Variants in RCAN2 observed in about 807,000 individuals in gnomAD.
The protein encoded by RCAN2 is regulator of calcineurin 2.
Under a neutral mutation model 23.6 loss-of-function variants are expected in RCAN2, and 9 were observed. That is an observed-to-expected ratio of 0.38 (90% CI 0.23 to 0.67). The LOEUF (loss-of-function observed/expected upper bound fraction) is 0.67. Ranked by LOEUF, RCAN2 falls within the 30% of genes least tolerant of loss-of-function variation. The probability of loss-of-function intolerance (pLI) is 0.51; values close to 1 mark genes in which losing one functional copy is unlikely to be tolerated. For synonymous variants in RCAN2, 109 were observed against 115.7 expected (o/e 0.94, Z 0.37); for missense variants, 273 against 302.3 (o/e 0.90, Z 0.72).
intron 2 of RCAN2, among the ~76,000 whole-genome samples, chr6:46,405,513 A>G: frequency 6.6e-6 from 1 of 152,148 alleles, no homozygotes; most frequent in East Asian, 1.9e-4. Flanking sequence ...TCCCCATCAG[A>G]TTAGTTAGAT....
intron 2 of RCAN2, among the ~76,000 whole-genome samples, chr6:46,371,190 T>C (rs1040553700): frequency 7.2e-5 from 11 of 152,172 alleles, no homozygotes; most frequent in Non-Finnish European, 1.2e-4. Flanking sequence ...GAGACCAGCC[T>C]TTCCCCCCAG....
intron 2 of RCAN2, among the ~76,000 whole-genome samples, chr6:46,342,966 AAGAG>A (rs1193703507): frequency 6.6e-6 from 1 of 152,018 alleles, no homozygotes; most frequent in Admixed American, 6.6e-5. Flanking sequence ...TTAAAAGCAG[AAGAG>A]AGAGAGAGAA....
At chr6:46,226,039 G>C (rs1185457342) in intron 4 of RCAN2, among the ~76,000 whole-genome samples, 2 of 152,200 alleles carry the variant, frequency 1.3e-5, no homozygotes, top group Non-Finnish European at 2.9e-5. Flanking sequence ...TTATTAAATA[G>C]GGAATCCTTT....
intron 2 of RCAN2, among the ~76,000 whole-genome samples, chr6:46,285,784 T>C (rs941482384): frequency 2.6e-5 from 4 of 152,228 alleles, no homozygotes; most frequent in Non-Finnish European, 4.4e-5. Flanking sequence ...TAATTTTAAG[T>C]TCTAGGGTGC....
intron 4 of RCAN2, among the ~76,000 whole-genome samples, chr6:46,244,094 C>T (rs966853794): frequency 6.6e-6 from 1 of 152,002 alleles, no homozygotes; most frequent in African/African-American, 2.4e-5. Context: ...AATAATAGGT[C>T]CTATCTCTGT....
At chr6:46,356,596 G>A (rs897340095) in intron 2 of RCAN2, among the ~76,000 whole-genome samples, 14 of 152,180 alleles carry the variant, frequency 9.2e-5, no homozygotes, top group African/African-American at 9.7e-5. Flanking sequence ...CAGAGGCTTG[G>A]ATGGATGTGA....
At chr6:46,353,360 G>A (rs1413634926) in intron 2 of RCAN2, among the ~76,000 whole-genome samples, 2 of 152,124 alleles carry the variant, frequency 1.3e-5, no homozygotes, top group East Asian at 3.9e-4. Flanking sequence ...TGTGGGGGAG[G>A]AGAGAATTTG....
At chr6:46,344,543 T>C (rs1764426173) in intron 2 of RCAN2, among the ~76,000 whole-genome samples, 1 of 152,064 alleles carries the variant, frequency 6.6e-6, no homozygotes, top group South Asian at 2.1e-4. Flanking sequence ...AAATAAAATA[T>C]ATGACAAAAC....
chr6:46,409,943 A>G (rs550250188), intron 2 of RCAN2, among the ~76,000 whole-genome samples: 2 of 152,288 alleles, frequency 1.3e-5, no homozygotes, highest in South Asian at 4.2e-4. Context: ...TGTCACCAAC[A>G]TGGGCAGGTA....
intron 2 of RCAN2, among the ~76,000 whole-genome samples, chr6:46,435,317 C>T (rs1001803576): frequency 6.6e-6 from 1 of 152,174 alleles, no homozygotes. Context: ...TGTTTCTCTT[C>T]CAGAGAACTG....
rs73452248 is a variant in RCAN2, at chr6:46,281,502, C to A, written c.226-32606G>T. ...AGCTACTTGTGGTTAAGAAAGCAGG[C>A]ATGACTTTAAAACAAGTGAAAAGGG... On this transcript the variant is annotated intron_variant, in intron 2 of 4. Coordinates refer to ENST00000371374, the MANE Select transcript of RCAN2 (RefSeq NM_001251974.2). Among the ~76,000 whole-genome samples the A allele has an allele frequency of 3.5e-3, 531 of 152,252 alleles. 1 individual carries two copies. The highest frequency in any genetic ancestry group is 0.024 in the Middle Eastern group (7 of 292).
At chr6:46,460,913 G>T (rs1321999055) in intron 1 of RCAN2, among the ~76,000 whole-genome samples, 1 of 152,114 alleles carries the variant, frequency 6.6e-6, no homozygotes, top group Non-Finnish European at 1.5e-5. Flanking sequence ...AAATGTAAAG[G>T]TTTGATTTCT....
At chr6:46,486,224 CT>C (rs1322312359) in intron 1 of RCAN2, among the ~76,000 whole-genome samples, 1 of 152,166 alleles carries the variant, frequency 6.6e-6, no homozygotes, top group African/African-American at 2.4e-5. Flanking sequence ...CTTATTCCCC[CT>C]GATCCTCAGG....
At chr6:46,487,135 A>G (rs916023086) in intron 1 of RCAN2, among the ~76,000 whole-genome samples, 3 of 152,238 alleles carry the variant, frequency 2.0e-5, no homozygotes, top group African/African-American at 4.8e-5. Flanking sequence ...ATTCTATGCC[A>G]TAATAATAGA....
chr6:46,456,146 A>AATACAT (rs1768021689), intron 2 of RCAN2, among the ~76,000 whole-genome samples: 5 of 152,224 alleles, frequency 3.3e-5, no homozygotes, highest in Non-Finnish European at 5.9e-5. Flanking sequence ...GTTAATACAT[A>AATACAT]GACAACCTCA....
chr6:46,394,428 T>A (rs142377572), intron 2 of RCAN2, among the ~76,000 whole-genome samples: 1 of 139,592 alleles, frequency 7.2e-6, no homozygotes, highest in Non-Finnish European at 1.5e-5. Flanking sequence ...AAAATGTGGC[T>A]GGGCATGCTA....
intron 2 of RCAN2, among the ~76,000 whole-genome samples, chr6:46,333,000 TC>T (rs1764030137): frequency 6.6e-6 from 1 of 152,232 alleles, no homozygotes; most frequent in African/African-American, 2.4e-5. Context: ...TGATTGCCAT[TC>T]TAACTGGTGT....
At chr6:46,427,559 T>C (rs1767065585) in intron 2 of RCAN2, among the ~76,000 whole-genome samples, 1 of 152,220 alleles carries the variant, frequency 6.6e-6, no homozygotes, top group Admixed American at 6.5e-5. Context: ...GCTTGGGGCA[T>C]AACAAGACTG....
chr6:46,434,655 A>C (rs955843904), intron 2 of RCAN2, among the ~76,000 whole-genome samples: 6 of 152,200 alleles, frequency 3.9e-5, no homozygotes, highest in Non-Finnish European at 7.4e-5. Flanking sequence ...GGAGATTCTT[A>C]TCCTAAGATG....
Sources: gnomAD v4.1 joint callset for allele counts (sites outside exome capture counted in the v4.1 genomes callset) on GRCh38, gnomAD v4.1.1 for gene constraint, MANE v1.5 for transcripts, NCBI Gene and HGNC (gene_info 2026-07-23, HGNC 2026-07-21) for gene names.